SDR42E2: variants seen among roughly 807,000 people sequenced by gnomAD.
SDR42E2 encodes short chain dehydrogenase/reductase family 42E, member 2.
SDR42E2 carries 20 observed loss-of-function variants against 10.5 expected under a neutral mutation model. The ratio of observed to expected loss-of-function variants is 1.90; its 90% confidence interval spans 1.34 to 2.77. SDR42E2 has a LOEUF of 2.77. Among genes scored for constraint, SDR42E2 ranks in the 30% most tolerant of loss-of-function variants. The probability of loss-of-function intolerance (pLI) is 0.00; values close to 1 mark genes in which losing one functional copy is unlikely to be tolerated. For synonymous variants in SDR42E2, 72 were observed against 39.2 expected, an observed-to-expected ratio of 1.84 and a Z score of -3.12; for missense variants, 162 against 104.2, an observed-to-expected ratio of 1.55 and a Z score of -2.42.
At chr16:22,168,785 A>G (rs1195979810) in intron 4 of SDR42E2, among the ~76,000 whole-genome samples, 1 of 152,076 alleles carries the variant, frequency 6.6e-6, no homozygotes. Context: ...AGGCAGGAGA[A>G]TCATTCAAAC....
intron 7 of SDR42E2, 41 bp from the exon 8 acceptor site, chr16:22,178,089 G>A (rs746838133): frequency 1.4e-6 from 1 of 696,716 alleles, no homozygotes; most frequent in East Asian, 2.7e-5. Context: ...CCTGTGGGCT[G>A]CTCCTCCCCT....
At chr16:22,167,192 T>G (rs1477435491) in intron 4 of SDR42E2, among the ~76,000 whole-genome samples, 193 bp downstream of exon 4, 7 of 132,218 alleles carry the variant, frequency 5.3e-5, no homozygotes, top group African/African-American at 2.0e-4. Context: ...TTTTTTTTTT[T>G]TTTTTTTTTT....
At chr16:22,177,585 G>A (rs182145429) in intron 7 of SDR42E2, among the ~76,000 whole-genome samples, 13 of 151,948 alleles carry the variant, frequency 8.6e-5, no homozygotes, top group South Asian at 2.1e-4. Context: ...CCAAGATTGC[G>A]CCACTGCATT....
chr16:22,183,001 T>C (rs536934822), intron 10 of SDR42E2, among the ~76,000 whole-genome samples: 2 of 151,994 alleles, frequency 1.3e-5, no homozygotes, highest in African/African-American at 4.8e-5. Context: ...TAAGACCCTA[T>C]CTCTAAAAAT....
rs2046764643 is a variant in SDR42E2 at position 22,190,366 on chromosome 16, T to G, written c.1242T>G (p.Pro414=). The part of the protein sequence containing the change: ...ALALHFLGLQ[P]LHAAVERL The stretch of plus-strand genomic sequence containing the variant: ...CCCTGCACTTCCTAGGCCTGCAGCC[T>G]CTGCACGCCGCCGTGGAGCGCCTGT... The change falls in exon 13 of 13, where the codon CCT becomes CCG. Residue 414 remains proline (P), a synonymous_variant. Transcript: ENST00000602312. 1 of 401,924 alleles carries G rather than the reference T, an allele frequency of 2.5e-6. No homozygotes were observed. The highest frequency in any genetic ancestry group is 4.4e-6 in the Non-Finnish European group (1 of 227,364). 24.9% of individuals were successfully genotyped at this position (401,924 alleles called of 1,614,324 possible).
At chr16:22,180,265 G>A (rs2046681730) in intron 8 of SDR42E2, among the ~76,000 whole-genome samples, 1 of 152,024 alleles carries the variant, frequency 6.6e-6, no homozygotes, top group African/African-American at 2.4e-5. Context: ...CTGGGCATGG[G>A]AGCACATGCC....
rs2046765058 is a variant in SDR42E2 at position 22,190,392 on chromosome 16, G to GACCGTCC, written c.1269_*6dup. On this transcript the variant is annotated frameshift_variant and stop_retained_variant, in exon 13 of 13. Coordinates refer to ENST00000602312, the MANE Select transcript of SDR42E2 (RefSeq NM_001394319.2). LOFTEE classifies it high-confidence loss of function. ...CTGCACGCCGCCGTGGAGCGCCTGT[G>GACCGTCC]ACCGTCCGCCGTCCGCCGCCCGCTA... 2 of 401,672 alleles carry GACCGTCC rather than the reference G, an allele frequency of 5.0e-6. No homozygotes were observed. The highest frequency in any genetic ancestry group is 8.8e-6 in the Non-Finnish European group (2 of 227,956). The allele number at this position is 401,672 out of a possible 1,614,324, so 24.9% of individuals were successfully genotyped here. A position where few individuals can be genotyped will look rare whatever the true frequency, so the allele number is the denominator to read the frequency against.
intron 7 of SDR42E2, among the ~76,000 whole-genome samples, chr16:22,177,234 G>A (rs2046651861): frequency 6.6e-6 from 1 of 152,118 alleles, no homozygotes; most frequent in Non-Finnish European, 1.5e-5. Flanking sequence ...GAACATAGAA[G>A]GACCTCTCTG....
intron 8 of SDR42E2, 37 bp downstream of exon 8, chr16:22,178,249 A>G (rs2046662232): frequency 1.4e-6 from 1 of 700,872 alleles, no homozygotes; most frequent in Non-Finnish European, 2.6e-6. Context: ...AAGTCAGAGA[A>G]GGATCCTGGC....
intron 1 of SDR42E2, among the ~76,000 whole-genome samples, chr16:22,163,105 G>A (rs1171296209): frequency 6.6e-6 from 1 of 152,152 alleles, no homozygotes; most frequent in Admixed American, 6.5e-5. Flanking sequence ...ACCACCCTGT[G>A]AGGAGCCAGA....
At chr16:22,179,727 C>T (rs1352358020) in intron 8 of SDR42E2, among the ~76,000 whole-genome samples, 2 of 150,562 alleles carry the variant, frequency 1.3e-5, no homozygotes, top group African/African-American at 4.9e-5. Context: ...GCAGGAGAAT[C>T]GCTTGAACCT....
rs534086197 is a variant in SDR42E2, at chr16:22,169,544, C to G, written c.394+42C>G. 8.5e-6 allele frequency: 6 copies of G among 703,236 alleles called. No homozygotes were observed. The East Asian group carries it at 1.6e-4, about 19-fold the overall frequency. The allele number at this position is 703,236 out of a possible 1,614,324, so 43.6% of individuals were successfully genotyped here. On this transcript the variant is annotated intron_variant, in intron 5 of 12. Transcript: ENST00000602312. Reference sequence around the variant, plus strand: ...GGGTATGACCTGCTGTGCCTCTCCCCCTCTCTCCCTTCTCCTGCTGCAGGC... The same window carrying G: ...GGGTATGACCTGCTGTGCCTCTCCCGCTCTCTCCCTTCTCCTGCTGCAGGC...
At chr16:22,178,695 CAAG>C (rs1039994806) in intron 8 of SDR42E2, among the ~76,000 whole-genome samples, 1 of 152,110 alleles carries the variant, frequency 6.6e-6, no homozygotes, top group African/African-American at 2.4e-5. Context: ...GAGAGGAGCA[CAAG>C]AAGATGGGCC....
Position 22,190,376 on chromosome 16 carries a change from G to A in SDR42E2, c.1252G>A (p.Ala418Thr), listed in dbSNP as rs1003087092. 2.2e-5 allele frequency: 9 copies of A among 402,162 alleles called. No individual in the cohort carries two copies. The highest frequency in any genetic ancestry group is 1.6e-4 in the African/African-American group (8 of 48,770). The allele number at this position is 402,162 out of a possible 1,614,324, so 24.9% of individuals were successfully genotyped here. The change falls in exon 13 of 13, where the codon GCC becomes ACC. Residue 418 changes from alanine to threonine, a missense_variant. By Grantham distance (58) the Ala-to-Thr change is moderately conservative (BLOSUM62 0). Transcript: ENST00000602312. The stretch of plus-strand genomic sequence containing the variant: ...CCTAGGCCTGCAGCCTCTGCACGCC[G>A]CCGTGGAGCGCCTGTGACCGTCCGC... ...HFLGLQPLHA[A>T]VERL is the part of the protein sequence containing the mutation.
chr16:22,170,354 CAATAAATAAATA>C (rs534650764), intron 5 of SDR42E2, among the ~76,000 whole-genome samples: 2 of 151,868 alleles, frequency 1.3e-5, no homozygotes, highest in African/African-American at 4.8e-5. Flanking sequence ...AACTCCGTCT[CAATAAATAAATA>C]AATAAATAAA....
chr16:22,175,572 C>CGTGG lies in SDR42E2; in HGVS notation c.590-2558_590-2557insGTGG, dbSNP rs2046638234. On this transcript the variant is annotated intron_variant, in intron 7 of 12. Coordinates refer to ENST00000602312, the MANE Select transcript of SDR42E2 (RefSeq NM_001394319.2). ...TTTTTTTTTTTTAGTCTCCCAACCACTTGGGAGACTAAGGTAGGATGATTG... is the reference window on the plus strand; with the variant it reads ...TTTTTTTTTTTTAGTCTCCCAACCACGTGGTTGGGAGACTAAGGTAGGATGATTG... Among the ~76,000 whole-genome samples the CGTGG allele has an allele frequency of 3.4e-5, 5 of 148,090 alleles. No individual in the cohort carries two copies. The Admixed American group carries it at 3.4e-4, about 10-fold the overall frequency.
chr16:22,186,346 A>G (rs1408745662), intron 11 of SDR42E2, among the ~76,000 whole-genome samples: 1 of 152,008 alleles, frequency 6.6e-6, no homozygotes, highest in Non-Finnish European at 1.5e-5. Context: ...AGCTGGGATT[A>G]CAGGCATGTG....
At chr16:22,184,071 G>A in intron 10 of SDR42E2, 110 bp from the exon 11 acceptor site, 1 of 397,040 alleles carries the variant, frequency 2.5e-6, no homozygotes, top group Non-Finnish European at 4.4e-6. Context: ...GGGGTGGGTT[G>A]GTGGGGAGAC....
intron 1 of SDR42E2, among the ~76,000 whole-genome samples, chr16:22,163,636 G>A (rs1415871043): frequency 6.6e-6 from 1 of 152,182 alleles, no homozygotes; most frequent in Non-Finnish European, 1.5e-5. Context: ...GAACAAGGCA[G>A]GCGGAGGTTG....
Sources: allele counts gnomAD v4.1 joint callset (sites outside exome capture counted in the v4.1 genomes callset), GRCh38; gene constraint gnomAD v4.1.1; transcripts MANE v1.5; gene names NCBI Gene and HGNC (gene_info 2026-07-23, HGNC 2026-07-21).